The following UBL7 variants were observed in gnomAD, a reference collection of about 807,000 sequenced individuals.
UBL7 encodes ubiquitin like 7.
In UBL7, 21 loss-of-function variants were observed where a neutral mutation model predicts 41.7. The ratio of observed to expected loss-of-function variants is 0.50; its 90% CI spans 0.36 to 0.73. The LOEUF is 0.73. UBL7 is among the 30% of genes least tolerant of loss of function. UBL7 has a pLI of 0.00. For missense variants in UBL7, 403 were observed against 478.4 expected (o/e 0.84, Z 1.47); for synonymous variants, 157 against 186.9 (o/e 0.84, Z 1.31).
In UBL7 at chr15:74,461,034, C is replaced by T; in HGVS notation, c.-30+3G>A. On this transcript the variant is annotated splice_donor_region_variant and intron_variant, in intron 1 of 10. Transcript: ENST00000395081. ...CAGGAACACTATCCGGTGGCGACCT[C>T]ACCGCTCCAGTGGGACCAGCTACTT... 1 of 1,058,404 alleles carries T rather than the reference C, an allele frequency of 9.4e-7. No individual in the cohort carries two copies. Among genetic ancestry groups the T allele is most frequent in the Non-Finnish European group, 1.1e-6 (1 of 870,906 alleles). 65.6% of individuals were successfully genotyped at this position (1,058,404 alleles called of 1,614,324 possible). A position where few individuals can be genotyped will look rare whatever the true frequency, so the allele number is the denominator to read the frequency against.
At chr15:74,457,614 G>A (rs1024742716) in intron 2 of UBL7, among the ~76,000 whole-genome samples, 2 of 151,170 alleles carry the variant, frequency 1.3e-5, no homozygotes, top group African/African-American at 4.9e-5. Flanking sequence ...GTGCGGGCCT[G>A]TAATCCCAGT....
chr15:74,456,454 C>A, intron 3 of UBL7, 98 bp downstream of exon 3: 1 of 1,462,746 alleles, frequency 6.8e-7, no homozygotes, highest in South Asian at 1.3e-5. Context: ...GTAAATCATC[C>A]CTTTGTTCCA....
At chr15:74,452,139 A>T (rs532237500) in intron 4 of UBL7, among the ~76,000 whole-genome samples, 157 bp downstream of exon 4, 2 of 152,208 alleles carry the variant, frequency 1.3e-5, no homozygotes, top group African/African-American at 4.8e-5. Context: ...TTGGGGAAAG[A>T]CAGGGCTCTA....
At chr15:74,453,305 T>C (rs1456801282) in intron 3 of UBL7, among the ~76,000 whole-genome samples, 1 of 152,208 alleles carries the variant, frequency 6.6e-6, no homozygotes, top group African/African-American at 2.4e-5. Flanking sequence ...TAAGAACCCC[T>C]GCCATCAAGG....
At chr15:74,460,685 C>G in intron 1 of UBL7, 1 of 1,288,492 alleles carries the variant, frequency 7.8e-7, no homozygotes, top group Non-Finnish European at 1.0e-6. Context: ...ACATGGAACC[C>G]CAGAAAATAA....
chr15:74,448,327 G>T, intron 10 of UBL7, 151 bp downstream of exon 10: 1 of 1,285,208 alleles, frequency 7.8e-7, no homozygotes. Flanking sequence ...GCCCTTGCTA[G>T]GAACACTCTG....
rs55846825 is a variant in UBL7, at chr15:74,459,932, C to CAAAAAAAAAAA, written c.-29-1047_-29-1037dup. ...TGGGTGACAGAGAGAGACTCTGTCG[C>CAAAAAAAAAAA]AAAAAAAAAAAAAAAAAAAAAAAAA... On this transcript the variant is annotated intron_variant, in intron 1 of 10. Transcript: ENST00000395081. Among the ~76,000 whole-genome samples, 21 of 18,270 alleles carry CAAAAAAAAAAA rather than the reference C, an allele frequency of 1.1e-3. 3 individuals carry two copies. The highest frequency in any genetic ancestry group is 1.7e-3 in the African/African-American group (9 of 5,266). The allele number at this position is 18,270 out of a possible 152,430, so 12.0% of individuals were successfully genotyped here.
At chr15:74,451,842 A>G (rs1187167465) in intron 4 of UBL7, among the ~76,000 whole-genome samples, 1 of 152,202 alleles carries the variant, frequency 6.6e-6, no homozygotes, top group Non-Finnish European at 1.5e-5. Flanking sequence ...TCTAGGTTCC[A>G]ATCCAAAAGT....
chr15:74,446,650 A>G lies in UBL7; in HGVS notation c.1006-423T>C, dbSNP rs1227160895. ...GTTTGGTTTGGTTTGCCACGCAGAA[A>G]TTTTCACCTTTTTTTAAATGTCTTA... On this transcript the variant is annotated intron_variant, in intron 10 of 10. Coordinates refer to ENST00000395081, the MANE Select transcript of UBL7 (RefSeq NM_032907.5). The surrounding 1 kb of genome is among the most constrained non-coding windows in gnomAD (Gnocchi z 4.1). Among the ~76,000 whole-genome samples, 6 of 152,172 alleles carry G rather than the reference A, an allele frequency of 3.9e-5. No homozygotes were observed. The highest frequency in any genetic ancestry group is 8.8e-5 in the Non-Finnish European group (6 of 68,002).
At position 74,450,823 on chromosome 15, in the gene UBL7, G is replaced by C; in HGVS notation, c.509C>G (p.Ala170Gly). Reference protein sequence around the residue: ...LQDKDLFSVFADPNMLDTLVP... With the variant: ...LQDKDLFSVFGDPNMLDTLVP... ...TTACGTATCAAGCATATTGGGATCAGCGAAGACAGAGAAGAGGTCCTTGTC... is the reference window on the plus strand; with the variant it reads ...TTACGTATCAAGCATATTGGGATCACCGAAGACAGAGAAGAGGTCCTTGTC... The change falls in exon 6 of 11, where the codon GCT becomes GGT. Residue 170 changes from alanine (A) to glycine (G), a missense_variant. Transcript: ENST00000395081. The C allele has an allele frequency of 6.2e-7, 1 of 1,613,652 alleles. No homozygotes were observed. Among genetic ancestry groups the C allele is most frequent in the African/African-American group, 1.3e-5 (1 of 75,022 alleles).
chr15:74,456,735 G>A (rs749683206), intron 2 of UBL7, 64 bp from the exon 3 acceptor site: 106 of 1,555,424 alleles, frequency 6.8e-5, no homozygotes, highest in Non-Finnish European at 8.7e-5. Context: ...TTTTTGTCCC[G>A]AGAACCTTAT....
chr15:74,458,645 A>G, intron 2 of UBL7, 39 bp downstream of exon 2: 1 of 1,566,682 alleles, frequency 6.4e-7, no homozygotes, highest in Non-Finnish European at 8.8e-7. Context: ...CCCAAAAGAG[A>G]TCAGAGCAGC....
chr15:74,447,782 C>T (rs912705518), intron 10 of UBL7, among the ~76,000 whole-genome samples: 1 of 152,120 alleles, frequency 6.6e-6, no homozygotes, highest in South Asian at 2.1e-4. Flanking sequence ...GTCTAATCTC[C>T]GCAGGTTGGC....
intron 9 of UBL7, 148 bp downstream of exon 9, chr15:74,449,038 A>G: frequency 1.0e-6 from 1 of 963,638 alleles, no homozygotes; most frequent in Non-Finnish European, 1.5e-6. Flanking sequence ...GAGGTCACTC[A>G]AGCTGCAGTA....
chr15:74,457,812 C>T (rs1359529994), intron 2 of UBL7, among the ~76,000 whole-genome samples: 1 of 151,034 alleles, frequency 6.6e-6, no homozygotes, highest in Non-Finnish European at 1.5e-5. Flanking sequence ...ATTGTGGAGG[C>T]TGCCCAATTT....
At chr15:74,458,576 T>C (rs1054652749) in intron 2 of UBL7, 108 bp downstream of exon 2, 1 of 923,586 alleles carries the variant, frequency 1.1e-6, no homozygotes, top group African/African-American at 1.6e-5. Flanking sequence ...AGTGTTAACA[T>C]TATGAGGCAA....
Position 74,449,339 on chromosome 15 carries a change from T to G in UBL7, c.729A>C (p.Thr243=). The change falls in exon 9 of 11, where the codon ACA becomes ACC. Residue 243 remains threonine (T), a synonymous_variant. Coordinates refer to ENST00000395081, the MANE Select transcript of UBL7 (RefSeq NM_032907.5). ...GGGAGCTGGGAGTACTGCTAGAGGGTGTGGACCTGGTGTTCTGGAGAAAGA... is the reference window on the plus strand; with the variant it reads ...GGGAGCTGGGAGTACTGCTAGAGGGGGTGGACCTGGTGTTCTGGAGAAAGA... ...EDDFHPNTRS[T]PSSSTPSSRP... is the part of the protein sequence containing the mutation. 1.2e-6 allele frequency: 2 copies of G among 1,613,914 alleles called. No individual in the cohort carries two copies. The highest frequency in any genetic ancestry group is 1.7e-6 in the Non-Finnish European group (2 of 1,179,974).
At chr15:74,458,432 C>CA (rs1191614717) in intron 2 of UBL7, among the ~76,000 whole-genome samples, 2 of 152,044 alleles carry the variant, frequency 1.3e-5, no homozygotes, top group Non-Finnish European at 2.9e-5. Context: ...AAAACAAAAA[C>CA]AAAAACAAAA....
chr15:74,449,258 A>T lies in UBL7; in HGVS notation c.810T>A (p.Ser270Arg). Reference protein sequence around the residue: ...GAAGPRPITQSELATALALAS... With the variant: ...GAAGPRPITQRELATALALAS... ...CCAGGGCCAAGGCGGTGGCCAGCTC[A>T]CTCTGGGTGATGGGCCGGGGCCCAG... The change falls in exon 9 of 11, where the codon AGT becomes AGA. Residue 270 changes from serine (S) to arginine (R), a missense_variant. Transcript: ENST00000395081. 1 of 1,611,734 alleles carries T rather than the reference A, an allele frequency of 6.2e-7. No homozygotes were observed. Among genetic ancestry groups the T allele is most frequent in the Non-Finnish European group, 8.5e-7 (1 of 1,179,140 alleles).
Sources: gnomAD v4.1 joint callset for allele counts (sites outside exome capture counted in the v4.1 genomes callset) on GRCh38, gnomAD v4.1.1 for gene constraint, Gnocchi (gnomAD v3.1) non-coding constraint, MANE v1.5 for transcripts, NCBI Gene and HGNC (gene_info 2026-07-23, HGNC 2026-07-21) for gene names.